RRN3: variants seen among roughly 807,000 people sequenced by gnomAD.
RRN3 encodes RNA polymerase I-specific transcription initiation factor RRN3.
RRN3 carries 38 observed loss-of-function variants against 82.3 expected under a neutral mutation model. The ratio of observed to expected loss-of-function variants is 0.46; its 90% CI spans 0.36 to 0.61. RRN3 has a LOEUF of 0.61. Among genes scored for constraint, RRN3 ranks in the 20% least tolerant of loss-of-function variants. The probability of loss-of-function intolerance (pLI) is 0.00; values close to 1 mark genes in which losing one functional copy is unlikely to be tolerated. For missense variants in RRN3, 726 were observed against 793.1 expected, an observed-to-expected ratio of 0.92 and a Z score of 1.02; for synonymous variants, 284 against 284.3, an observed-to-expected ratio of 1.00 and a Z score of 0.01.
chr16:15,090,955 A>AATAGAAAG (rs931182631), intron 3 of RRN3, among the ~76,000 whole-genome samples: 2 of 151,188 alleles, frequency 1.3e-5, no homozygotes, highest in African/African-American at 4.9e-5. Context: ...GTAGTAATCT[A>AATAGAAAG]ATAGAAAGGA....
intron 12 of RRN3, among the ~76,000 whole-genome samples, chr16:15,071,953 C>CA: frequency 6.6e-6 from 1 of 152,120 alleles, no homozygotes; most frequent in East Asian, 1.9e-4. Context: ...CCTGTGAGTG[C>CA]AAAGCACCTT....
rs745307998 is a variant in RRN3 at position 15,065,189 on chromosome 16, C to T, written c.1706+30G>A. ...TCAAAAAAAAAAAAAAAATCCACCT[C>T]CTCCAGCGTCAATGTTTAAAAGTAC... On this transcript the variant is annotated intron_variant, in intron 16 of 17. Transcript: ENST00000198767. 8 of 1,567,082 alleles carry T rather than the reference C, an allele frequency of 5.1e-6. No individual in the cohort carries two copies. In the East Asian group the frequency reaches 1.3e-4, roughly 26 times the overall value.
chr16:15,063,564 C>T (rs1247306266), intron 16 of RRN3, among the ~76,000 whole-genome samples: 5 of 151,770 alleles, frequency 3.3e-5, no homozygotes, highest in East Asian at 3.9e-4. Flanking sequence ...AAAAATTAGC[C>T]GGGTGTGGTG....
intron 1 of RRN3, among the ~76,000 whole-genome samples, chr16:15,093,777 C>A (rs1430343967): frequency 6.6e-6 from 1 of 152,126 alleles, no homozygotes; most frequent in Non-Finnish European, 1.5e-5. Context: ...TTCAATTTGC[C>A]ATGAGTGACG....
intron 3 of RRN3, among the ~76,000 whole-genome samples, chr16:15,089,074 G>C (rs1016232972): frequency 2.1e-4 from 32 of 152,070 alleles, no homozygotes; most frequent in African/African-American, 7.0e-4. Context: ...AGGCTGAGGC[G>C]GGTGGATCAC....
At chr16:15,086,871 G>A (rs1168501754) in intron 3 of RRN3, among the ~76,000 whole-genome samples, 4 of 152,154 alleles carry the variant, frequency 2.6e-5, no homozygotes, top group African/African-American at 9.7e-5. Context: ...ATAAAACTCA[G>A]TCGAGGCTGA....
intron 12 of RRN3, among the ~76,000 whole-genome samples, chr16:15,072,245 C>CAAAAA (rs55852324): frequency 7.5e-6 from 1 of 133,466 alleles, no homozygotes; most frequent in Non-Finnish European, 1.6e-5. Context: ...TTTCCCCCAC[C>CAAAAA]AAAAAAAAAA....
intron 17 of RRN3, among the ~76,000 whole-genome samples, chr16:15,062,233 G>T (rs1323880916): frequency 2.0e-5 from 3 of 152,120 alleles, no homozygotes; most frequent in South Asian, 2.1e-4. Flanking sequence ...ATCACACATT[G>T]TAATCATTTG....
intron 6 of RRN3, 74 bp downstream of exon 6, chr16:15,085,565 G>T: frequency 6.3e-7 from 1 of 1,578,216 alleles, no homozygotes; most frequent in South Asian, 1.1e-5. Flanking sequence ...TGATCCTCCC[G>T]TCTTGGCTTC....
At chr16:15,074,607 C>T in intron 11 of RRN3, 116 bp downstream of exon 11, 2 of 719,328 alleles carry the variant, frequency 2.8e-6, no homozygotes, top group Non-Finnish European at 4.3e-6. Context: ...TAAACTCATA[C>T]TCAATAGATA....
chr16:15,082,376 T>A (rs1306617109), intron 8 of RRN3, among the ~76,000 whole-genome samples: 1 of 152,120 alleles, frequency 6.6e-6, no homozygotes, highest in African/African-American at 2.4e-5. Flanking sequence ...CATTTTCAGG[T>A]ACTAACTCAA....
At chr16:15,068,787 G>A (rs2045093958) in intron 14 of RRN3, among the ~76,000 whole-genome samples, 1 of 152,194 alleles carries the variant, frequency 6.6e-6, no homozygotes, top group Non-Finnish European at 1.5e-5. Flanking sequence ...GGCAAATTTA[G>A]ACAGAAACCA....
chr16:15,060,345 A>G lies in RRN3; in HGVS notation c.*1399T>C. The G allele has an allele frequency of 4.9e-6, 1 of 202,822 alleles. No individual in the cohort carries two copies. The highest frequency in any genetic ancestry group is 1.0e-5 in the Non-Finnish European group (1 of 97,374). 12.6% of individuals were successfully genotyped at this position (202,822 alleles called of 1,614,324 possible). A position where few individuals can be genotyped will look rare whatever the true frequency, so the allele number is the denominator to read the frequency against. The stretch of plus-strand genomic sequence containing the variant: ...GAAAAGAAAACCACCCATATCCAAA[A>G]CTTTAAAGCAATAAAAATTTCTATT... On this transcript the variant is annotated 3_prime_UTR_variant, in exon 18 of 18. Transcript: ENST00000198767.
chr16:15,063,638 G>A (rs1445236980), intron 16 of RRN3, among the ~76,000 whole-genome samples: 1 of 145,572 alleles, frequency 6.9e-6, no homozygotes, highest in Non-Finnish European at 1.5e-5. Flanking sequence ...CTGGGAGACG[G>A]AGCTTGCAGC....
chr16:15,080,335 A>C (rs1249798180), intron 8 of RRN3, among the ~76,000 whole-genome samples: 1 of 152,222 alleles, frequency 6.6e-6, no homozygotes, highest in Non-Finnish European at 1.5e-5. Flanking sequence ...AAGTAGCTGT[A>C]TTGATAAAAC....
intron 8 of RRN3, among the ~76,000 whole-genome samples, chr16:15,081,662 T>C (rs2045708490): frequency 6.6e-6 from 1 of 152,202 alleles, no homozygotes; most frequent in Admixed American, 6.5e-5. Context: ...CTATGAAGCA[T>C]AACAACGTTT....
chr16:15,079,604 T>C (rs1248304549), intron 9 of RRN3, among the ~76,000 whole-genome samples: 1 of 151,844 alleles, frequency 6.6e-6, no homozygotes, highest in Non-Finnish European at 1.5e-5. Flanking sequence ...TTCTTTTTTT[T>C]TTTTTTGAGA....
intron 12 of RRN3, among the ~76,000 whole-genome samples, chr16:15,072,140 C>A (rs574389203): frequency 6.6e-6 from 1 of 151,824 alleles, no homozygotes; most frequent in South Asian, 2.1e-4. Context: ...CCCATGTGGG[C>A]AGACTGAATT....
chr16:15,065,362 C>A lies in RRN3; in HGVS notation c.1563G>T (p.Gln521His). 6.2e-7 allele frequency: 1 copy of A among 1,613,110 alleles called. No homozygotes were observed. ...NFFAAITNKY[Q>H]LVFCYTIIER... is the part of the protein sequence containing the mutation. ...CAATGATGGTGTAGCAGAAGACGAGCTGGTACTTACTGTGGAACAAAAAAA... is the reference window on the plus strand; with the variant it reads ...CAATGATGGTGTAGCAGAAGACGAGATGGTACTTACTGTGGAACAAAAAAA... The change falls in exon 16 of 18, where the codon CAG (glutamine) becomes CAT (histidine). Residue 521 changes from glutamine to histidine, a missense_variant. Transcript: ENST00000198767.
Sources: allele counts gnomAD v4.1 joint callset (sites outside exome capture counted in the v4.1 genomes callset), GRCh38; gene constraint gnomAD v4.1.1; transcripts MANE v1.5; gene names NCBI Gene and HGNC (gene_info 2026-07-23, HGNC 2026-07-21).